Variants in CTNNA2 observed in about 807,000 individuals in gnomAD.
The protein encoded by CTNNA2 is catenin alpha-2.
Under a neutral mutation model 101.0 loss-of-function variants are expected in CTNNA2, and 42 were observed. That is an observed-to-expected ratio of 0.42 (90% CI 0.32 to 0.54). The LOEUF (loss-of-function observed/expected upper bound fraction) is 0.54, where lower values mean the gene tolerates loss of function less well. Among genes scored for constraint, CTNNA2 ranks in the 20% least tolerant of loss-of-function variants. The pLI, the probability that CTNNA2 is intolerant of heterozygous loss-of-function variation, is 0.14. For missense variants in CTNNA2, 871 were observed against 1,223.1 expected (o/e 0.71, Z 4.29); for synonymous variants, 450 against 456.4 (o/e 0.99, Z 0.18).
At chr2:79,755,378 G>C (rs1462095085) in intron 3 of CTNNA2, among the ~76,000 whole-genome samples, 1 of 152,108 alleles carries the variant, frequency 6.6e-6, no homozygotes, top group African/African-American at 2.4e-5. Flanking sequence ...ATCCAGCAAG[G>C]GCAGACCTTG....
chr2:79,941,166 T>G lies in CTNNA2; in HGVS notation c.1056+31369T>G, dbSNP rs185793470. Among the ~76,000 whole-genome samples the G allele has an allele frequency of 2.7e-3, 412 of 152,350 alleles. 2 individuals are homozygous for G. The highest frequency in any genetic ancestry group is 9.3e-3 in the African/African-American group (387 of 41,584). Reference sequence around the variant, plus strand: ...TTTATTCCCATGTTCTTTTGCACCATTATTGAAAAATTGACATCCTCAACT... The same window carrying G: ...TTTATTCCCATGTTCTTTTGCACCAGTATTGAAAAATTGACATCCTCAACT... On this transcript the variant is annotated intron_variant, in intron 7 of 18. Transcript: ENST00000402739.
chr2:79,819,579 A>G (rs1249868484), intron 3 of CTNNA2, among the ~76,000 whole-genome samples: 1 of 152,240 alleles, frequency 6.6e-6, no homozygotes, highest in African/African-American at 2.4e-5. Flanking sequence ...AGACTATAAG[A>G]AATTCAAATG....
chr2:79,860,706 G>C (rs1160720089), intron 4 of CTNNA2, among the ~76,000 whole-genome samples: 1 of 152,100 alleles, frequency 6.6e-6, no homozygotes. Context: ...GTAGCAAACA[G>C]CTGTGGTGGA....
chr2:79,412,654 A>G (rs945322108), intron 4 of CTNNA2, among the ~76,000 whole-genome samples: 3 of 152,118 alleles, frequency 2.0e-5, no homozygotes, highest in Non-Finnish European at 4.4e-5. Context: ...TACTGGGTAC[A>G]TAACGAAATG....
chr2:80,166,621 A>C (rs980008098), intron 7 of CTNNA2, among the ~76,000 whole-genome samples: 11 of 152,156 alleles, frequency 7.2e-5, no homozygotes, highest in African/African-American at 2.7e-4. Flanking sequence ...TATTCTAGCA[A>C]ATTGTCAAAC....
chr2:80,492,896 C>T (rs116219157), intron 9 of CTNNA2, among the ~76,000 whole-genome samples: 39 of 152,214 alleles, frequency 2.6e-4, no homozygotes, highest in African/African-American at 9.2e-4. Context: ...ATTCCCTTGG[C>T]GGACTTCAGT....
chr2:79,980,042 T>C (rs908360485), intron 7 of CTNNA2, among the ~76,000 whole-genome samples: 1 of 152,192 alleles, frequency 6.6e-6, no homozygotes, highest in African/African-American at 2.4e-5. Flanking sequence ...TCATGCCTTA[T>C]TCAAACTTAA....
intron 2 of CTNNA2, among the ~76,000 whole-genome samples, chr2:79,673,524 T>A (rs6717848): frequency 0.025 from 3,871 of 152,170 alleles, 168 homozygotes; most frequent in African/African-American, 0.089. Flanking sequence ...AAATTGACCT[T>A]GGCTAGAAAG....
chr2:80,193,317 G>A (rs563757264), intron 7 of CTNNA2, among the ~76,000 whole-genome samples: 1 of 152,276 alleles, frequency 6.6e-6, no homozygotes, highest in South Asian at 2.1e-4. Context: ...ATAGTCTTGG[G>A]TTAGTGAAAG....
At chr2:80,359,191 T>C (rs1674145156) in intron 7 of CTNNA2, among the ~76,000 whole-genome samples, 2 of 152,004 alleles carry the variant, frequency 1.3e-5, no homozygotes, top group Admixed American at 6.6e-5. Context: ...GCCTGGGCAA[T>C]ATGGCAGGAC....
intron 7 of CTNNA2, among the ~76,000 whole-genome samples, chr2:80,061,217 T>C (rs1318008415): frequency 6.6e-6 from 1 of 152,066 alleles, no homozygotes; most frequent in Non-Finnish European, 1.5e-5. Context: ...TTTCATGACA[T>C]AGAAAAATGC....
intron 7 of CTNNA2, among the ~76,000 whole-genome samples, chr2:79,982,008 A>T (rs895407067): frequency 8.6e-5 from 13 of 150,502 alleles, no homozygotes; most frequent in African/African-American, 3.2e-4. Flanking sequence ...AAAAACAGCC[A>T]AGTTCTTGGT....
chr2:79,367,664 C>T (rs1258930964), intron 3 of CTNNA2, among the ~76,000 whole-genome samples: 1 of 152,116 alleles, frequency 6.6e-6, no homozygotes, highest in Non-Finnish European at 1.5e-5. Context: ...ATCAAGAACT[C>T]TTAGATGACT....
At chr2:79,819,844 T>C (rs1677864416) in intron 3 of CTNNA2, among the ~76,000 whole-genome samples, 1 of 152,130 alleles carries the variant, frequency 6.6e-6, no homozygotes, top group African/African-American at 2.4e-5. Context: ...ACAATTACCC[T>C]GATTTGATCA....
At chr2:79,245,173 G>A (rs1021076380) in intron 2 of CTNNA2, among the ~76,000 whole-genome samples, 9 of 152,030 alleles carry the variant, frequency 5.9e-5, no homozygotes, top group African/African-American at 1.2e-4. Flanking sequence ...CATCAAGGCC[G>A]GATGCAGTGG....
intron 2 of CTNNA2, among the ~76,000 whole-genome samples, chr2:79,221,120 A>G (rs1674339420): frequency 7.1e-6 from 1 of 141,818 alleles, no homozygotes; most frequent in African/African-American, 2.6e-5. Flanking sequence ...AGCAATAATA[A>G]TAAGCTAAAA....
intron 7 of CTNNA2, among the ~76,000 whole-genome samples, chr2:80,239,513 A>T (rs1444025141): frequency 6.6e-6 from 1 of 152,150 alleles, no homozygotes; most frequent in African/African-American, 2.4e-5. Context: ...CTAATAGTAC[A>T]CTGTTTTTTT....
chr2:80,543,020 G>A (rs945827897), intron 9 of CTNNA2, among the ~76,000 whole-genome samples: 4 of 152,108 alleles, frequency 2.6e-5, no homozygotes, highest in Admixed American at 1.3e-4. Context: ...CAAATTAAGG[G>A]TGAAGCTCAA....
chr2:80,300,332 G>T (rs960020335), intron 7 of CTNNA2, among the ~76,000 whole-genome samples: 1 of 136,810 alleles, frequency 7.3e-6, no homozygotes, highest in Admixed American at 7.4e-5. Flanking sequence ...GTGTGTGTGT[G>T]TAAGAAGCTG....
Sources: allele counts gnomAD v4.1 joint callset (sites outside exome capture counted in the v4.1 genomes callset), GRCh38; gene constraint gnomAD v4.1.1; transcripts MANE v1.5; gene names NCBI Gene and HGNC (gene_info 2026-07-23, HGNC 2026-07-21).